Variants in MEOX2 observed in about 807,000 individuals in gnomAD.
MEOX2 encodes the protein homeobox protein MOX-2.
In MEOX2, 11 loss-of-function variants were observed where a neutral mutation model predicts 27.0. That is an observed-to-expected ratio of 0.41 (90% CI 0.26 to 0.68). The LOEUF is 0.68. Ranked by LOEUF, MEOX2 falls within the 30% of genes least tolerant of loss-of-function variation. MEOX2 has a pLI of 0.33. For synonymous variants in MEOX2, 189 were observed against 155.4 expected (o/e 1.22, Z -1.61); for missense variants, 436 against 385.4 (o/e 1.13, Z -1.10).
At chr7:15,668,464 AGTT>A (rs1331561668) in intron 1 of MEOX2, among the ~76,000 whole-genome samples, 1 of 151,986 alleles carries the variant, frequency 6.6e-6, no homozygotes, top group Non-Finnish European at 1.5e-5. Flanking sequence ...TAGTAGTAGT[AGTT>A]AAGTTTGTTT....
chr7:15,666,233 A>G lies in MEOX2; in HGVS notation c.517+19653T>C, dbSNP rs115951260. 4.3e-3 allele frequency among the ~76,000 whole-genome samples: 660 copies of G among 152,276 alleles called. 3 individuals are homozygous for G. Among genetic ancestry groups the G allele is most frequent in the African/African-American group, 0.015 (634 of 41,564 alleles). On this transcript the variant is annotated intron_variant, in intron 1 of 2. Coordinates refer to ENST00000262041, the MANE Select transcript of MEOX2 (RefSeq NM_005924.5). The stretch of plus-strand genomic sequence containing the variant: ...ATACAATGTCATGCCTATAAATGTA[A>G]TTCTCAATGACTTCCATAGGCCTAA...
chr7:15,622,547 G>A (rs1172420610), intron 2 of MEOX2, among the ~76,000 whole-genome samples: 1 of 151,680 alleles, frequency 6.6e-6, no homozygotes, highest in Non-Finnish European at 1.5e-5. Context: ...CTGAATCTCA[G>A]GTTATTTTAA....
chr7:15,637,980 C>T (rs1046166013), intron 1 of MEOX2, among the ~76,000 whole-genome samples: 2 of 151,990 alleles, frequency 1.3e-5, no homozygotes, highest in Non-Finnish European at 2.9e-5. Flanking sequence ...GGTACTGTTA[C>T]ATTTATTAGC....
At chr7:15,629,755 G>T (rs1304441288) in intron 1 of MEOX2, among the ~76,000 whole-genome samples, 1 of 151,742 alleles carries the variant, frequency 6.6e-6, no homozygotes, top group Non-Finnish European at 1.5e-5. Flanking sequence ...TACAGTCTTG[G>T]TTTTTTAAAA....
At chr7:15,628,134 A>G (rs914865027) in intron 1 of MEOX2, among the ~76,000 whole-genome samples, 4 of 152,070 alleles carry the variant, frequency 2.6e-5, no homozygotes, top group Admixed American at 2.6e-4. Context: ...TGGCTTATGC[A>G]GGATCTTTTT....
chr7:15,613,403 A>AC (rs397938715), intron 2 of MEOX2, among the ~76,000 whole-genome samples: 2 of 150,724 alleles, frequency 1.3e-5, no homozygotes, highest in African/African-American at 2.4e-5. Context: ...AACAAAAAAA[A>AC]CAGCAAACAG....
rs188661159 is a variant in MEOX2 at position 15,657,522 on chromosome 7, T to C, written c.517+28364A>G. On this transcript the variant is annotated intron_variant, in intron 1 of 2. Transcript: ENST00000262041. ...TTTGGCTAGTATATTTTTAGTTTTA[T>C]AATTTCCACTTGGTTCTCCTTTATG... Among the ~76,000 whole-genome samples, 3 of 152,328 alleles carry C rather than the reference T, an allele frequency of 2.0e-5. No homozygotes were observed. In the East Asian group the frequency reaches 5.8e-4, roughly 29 times the overall value.
intron 1 of MEOX2, among the ~76,000 whole-genome samples, chr7:15,640,552 T>C (rs1781543408): frequency 6.6e-6 from 1 of 152,120 alleles, no homozygotes; most frequent in Non-Finnish European, 1.5e-5. Context: ...CTTTCAGTAC[T>C]ATGTTGAATG....
At chr7:15,654,919 C>A (rs573600117) in intron 1 of MEOX2, among the ~76,000 whole-genome samples, 26 of 151,788 alleles carry the variant, frequency 1.7e-4, no homozygotes, top group African/African-American at 6.0e-4. Context: ...GGAAAGTACT[C>A]TCTCCTCTGC....
chr7:15,661,843 A>G (rs974945684), intron 1 of MEOX2, among the ~76,000 whole-genome samples: 2 of 152,192 alleles, frequency 1.3e-5, no homozygotes, highest in Non-Finnish European at 1.5e-5. Context: ...TTATTCAGTA[A>G]CAGATAATGA....
At chr7:15,633,014 C>T (rs1417780354) in intron 1 of MEOX2, among the ~76,000 whole-genome samples, 1 of 151,852 alleles carries the variant, frequency 6.6e-6, no homozygotes, top group Non-Finnish European at 1.5e-5. Flanking sequence ...TTCCATTTTC[C>T]CTGATTATAT....
chr7:15,682,733 T>C (rs1782313318), intron 1 of MEOX2, among the ~76,000 whole-genome samples: 1 of 151,932 alleles, frequency 6.6e-6, no homozygotes, highest in Non-Finnish European at 1.5e-5. Context: ...CAAATGTAAT[T>C]GAAGCCAAGC....
Position 15,615,891 on chromosome 7 carries a change from C to A in MEOX2, c.691-3280G>T, listed in dbSNP as rs1277200930. Among the ~76,000 whole-genome samples, 3 of 151,880 alleles carry A rather than the reference C, an allele frequency of 2.0e-5. No individual in the cohort carries two copies. In the East Asian group the frequency reaches 5.8e-4, roughly 29 times the overall value. On this transcript the variant is annotated intron_variant, in intron 2 of 2. Coordinates refer to ENST00000262041, the MANE Select transcript of MEOX2 (RefSeq NM_005924.5). ...TACTTTTAAAAATCCACATATATTT[C>A]TTTTTCTAGGAGAAGGGATATAGTA...
At position 15,673,201 on chromosome 7, in the gene MEOX2, G is replaced by A. The variant is rs555635473; in HGVS notation, c.517+12685C>T. The stretch of plus-strand genomic sequence containing the variant: ...AAACACTAATTTTTCCTTAGGGAGT[G>A]CATATTTCTGATCCAAGTAAAAAAC... On this transcript the variant is annotated intron_variant, in intron 1 of 2. Transcript: ENST00000262041. Among the ~76,000 whole-genome samples, 38 of 152,298 alleles carry A rather than the reference G, an allele frequency of 2.5e-4. No homozygotes were observed. The South Asian group carries it at 7.7e-3, about 31-fold the overall frequency.
intron 1 of MEOX2, among the ~76,000 whole-genome samples, chr7:15,661,040 A>G (rs1199721623): frequency 2.0e-5 from 3 of 150,068 alleles, no homozygotes; most frequent in Non-Finnish European, 3.0e-5. Flanking sequence ...AAAAAAAAAA[A>G]AGAGAAAGAG....
At chr7:15,665,206 T>C (rs958271455) in intron 1 of MEOX2, among the ~76,000 whole-genome samples, 2 of 152,140 alleles carry the variant, frequency 1.3e-5, no homozygotes, top group East Asian at 1.9e-4. Flanking sequence ...TCTGTGAATC[T>C]ATATGATTTC....
intron 1 of MEOX2, among the ~76,000 whole-genome samples, chr7:15,682,340 A>G (rs535797314): frequency 6.6e-6 from 1 of 151,980 alleles, no homozygotes. Context: ...AATGAGGTTG[A>G]TAAGGTATTA....
At position 15,638,950 on chromosome 7, in the gene MEOX2, A is replaced by G. The variant is rs116271424; in HGVS notation, c.518-12032T>C. 7.2e-3 allele frequency among the ~76,000 whole-genome samples: 1,096 copies of G among 152,196 alleles called. 20 individuals are homozygous for G. Among genetic ancestry groups the G allele is most frequent in the African/African-American group, 0.025 (1,029 of 41,564 alleles). ...TAGTGCTGTGATAAACATGATAAAA[A>G]CAGGTGACTTTTTGATACAATTATT... On this transcript the variant is annotated intron_variant, in intron 1 of 2. Coordinates refer to ENST00000262041, the MANE Select transcript of MEOX2 (RefSeq NM_005924.5).
At chr7:15,666,515 A>C (rs1408916522) in intron 1 of MEOX2, among the ~76,000 whole-genome samples, 1 of 151,960 alleles carries the variant, frequency 6.6e-6, no homozygotes, top group African/African-American at 2.4e-5. Context: ...GCACTTTGGG[A>C]GGCCAAGGCG....
Sources: gnomAD v4.1 joint callset for allele counts (sites outside exome capture counted in the v4.1 genomes callset) on GRCh38, gnomAD v4.1.1 for gene constraint, MANE v1.5 for transcripts, NCBI Gene and HGNC (gene_info 2026-07-23, HGNC 2026-07-21) for gene names.